HSDL2: variants seen among roughly 807,000 people sequenced by gnomAD.
HSDL2 encodes the protein hydroxysteroid dehydrogenase-like protein 2.
HSDL2 carries 27 observed loss-of-function variants against 46.3 expected under a neutral mutation model. The observed-to-expected ratio is 0.58, with a 90% CI of 0.43 to 0.80. The LOEUF (loss-of-function observed/expected upper bound fraction) is 0.80. Ranked by LOEUF, HSDL2 falls within the 30% of genes least tolerant of loss-of-function variation. HSDL2 has a pLI of 0.00. For synonymous variants in HSDL2, 153 were observed against 163.6 expected (o/e 0.94, Z 0.50); for missense variants, 451 against 502.7 (o/e 0.90, Z 0.98).
chr9:112,433,259 T>C (rs1447144342), intron 6 of HSDL2, among the ~76,000 whole-genome samples: 1 of 152,192 alleles, frequency 6.6e-6, no homozygotes, highest in Admixed American at 6.5e-5. Flanking sequence ...GGGAAAATAC[T>C]TTCTGTGCGG....
chr9:112,462,018 T>G (rs1457949948), intron 10 of HSDL2, among the ~76,000 whole-genome samples: 1 of 152,234 alleles, frequency 6.6e-6, no homozygotes, highest in Non-Finnish European at 1.5e-5. Flanking sequence ...GCAAGTGAGT[T>G]TGCTTGTGCT....
chr9:112,442,227 C>A (rs1831857538), intron 8 of HSDL2, among the ~76,000 whole-genome samples: 1 of 141,494 alleles, frequency 7.1e-6, no homozygotes, highest in Admixed American at 7.3e-5. Context: ...CGTGATCGTG[C>A]CACTGCACTC....
intron 8 of HSDL2, among the ~76,000 whole-genome samples, chr9:112,449,235 C>T (rs183387823): frequency 1.8e-4 from 28 of 151,886 alleles, no homozygotes; most frequent in Non-Finnish European, 2.4e-4. Context: ...TACAGGTGCA[C>T]GCCACCATGC....
rs373380436 is a variant in HSDL2 at position 112,388,244 on chromosome 9, C to T, written c.17+8064C>T. On this transcript the variant is annotated intron_variant, in intron 1 of 10. Coordinates refer to ENST00000398805, the MANE Select transcript of HSDL2 (RefSeq NM_032303.5). The stretch of plus-strand genomic sequence containing the variant: ...TTGGGAGGCCGAGGCGGGCAGATCA[C>T]GAGGTCAGGAGTTCAAGACCAGCCT... Among the ~76,000 whole-genome samples the T allele has an allele frequency of 5.9e-5, 9 of 151,764 alleles. No homozygotes were observed. The South Asian group carries it at 6.3e-4, about 11-fold the overall frequency.
intron 10 of HSDL2, among the ~76,000 whole-genome samples, chr9:112,469,266 C>T (rs995931389): frequency 1.3e-5 from 2 of 151,930 alleles, no homozygotes; most frequent in African/African-American, 4.8e-5. Context: ...AACTCACACA[C>T]TTTCTCTGCA....
intron 6 of HSDL2, among the ~76,000 whole-genome samples, chr9:112,423,200 A>G (rs1023537081): frequency 6.6e-6 from 1 of 152,262 alleles, no homozygotes; most frequent in Non-Finnish European, 1.5e-5. Flanking sequence ...GGAATATGAA[A>G]TACAAGTACC....
At chr9:112,439,364 C>T (rs979911549) in intron 7 of HSDL2, among the ~76,000 whole-genome samples, 6 of 152,106 alleles carry the variant, frequency 3.9e-5, no homozygotes, top group Non-Finnish European at 7.4e-5. Flanking sequence ...GTCTCTTAAG[C>T]GCAGTCTCTT....
chr9:112,431,606 G>A (rs547423875), intron 6 of HSDL2, among the ~76,000 whole-genome samples: 4 of 152,210 alleles, frequency 2.6e-5, no homozygotes, highest in African/African-American at 9.6e-5. Context: ...TCTCCTGAAC[G>A]GTTTAGCACC....
chr9:112,452,024 T>C (rs776119302), intron 8 of HSDL2, among the ~76,000 whole-genome samples: 69 of 152,266 alleles, frequency 4.5e-4, no homozygotes, highest in African/African-American at 1.5e-3. Flanking sequence ...CAGAAGTGGA[T>C]TGCCCCCAGT....
intron 6 of HSDL2, among the ~76,000 whole-genome samples, chr9:112,423,874 C>A (rs552162294): frequency 3.5e-4 from 53 of 151,664 alleles, no homozygotes; most frequent in Admixed American, 3.1e-3. Flanking sequence ...CCCCCACGCC[C>A]AGCTAATTTT....
chr9:112,392,929 A>G (rs920586471), intron 1 of HSDL2, among the ~76,000 whole-genome samples: 4 of 152,230 alleles, frequency 2.6e-5, no homozygotes, highest in African/African-American at 9.6e-5. Flanking sequence ...TTCACAATTT[A>G]TATTCCTCTG....
chr9:112,465,206 G>C (rs1008628376), intron 10 of HSDL2, among the ~76,000 whole-genome samples: 1 of 152,168 alleles, frequency 6.6e-6, no homozygotes, highest in African/African-American at 2.4e-5. Context: ...TCAGCTTACT[G>C]CAACATCTGC....
rs751324923 is a variant in HSDL2, at chr9:112,386,661, G to A, written c.17+6481G>A. Among the ~76,000 whole-genome samples, 7 of 151,508 alleles carry A rather than the reference G, an allele frequency of 4.6e-5. 1 individual carries two copies. Among genetic ancestry groups the A allele is most frequent in the Admixed American group, 1.3e-4 (2 of 15,230 alleles). The stretch of plus-strand genomic sequence containing the variant: ...TAACCAAGCGTGGTGATGCACACCC[G>A]TGATCCTAGCTATTCAGGAGGCTTA... On this transcript the variant is annotated intron_variant, in intron 1 of 10. Coordinates refer to ENST00000398805, the MANE Select transcript of HSDL2 (RefSeq NM_032303.5).
chr9:112,405,582 T>C (rs778539609), intron 2 of HSDL2, 42 bp from the exon 3 acceptor site: 140 of 1,373,528 alleles, frequency 1.0e-4, no homozygotes, highest in Non-Finnish European at 1.4e-4. Flanking sequence ...GTATAATATT[T>C]AAATGCTTTA....
intron 6 of HSDL2, among the ~76,000 whole-genome samples, chr9:112,431,882 T>A (rs1462658282): frequency 6.7e-6 from 1 of 150,192 alleles, no homozygotes; most frequent in Non-Finnish European, 1.5e-5. Context: ...TTCTTTTTTT[T>A]TTTTTTTTTT....
intron 1 of HSDL2, among the ~76,000 whole-genome samples, chr9:112,381,527 TG>T (rs1831095455): frequency 6.6e-6 from 1 of 152,166 alleles, no homozygotes; most frequent in Non-Finnish European, 1.5e-5. Context: ...TTGATTTTTT[TG>T]TATTTTTAGT....
intron 1 of HSDL2, among the ~76,000 whole-genome samples, chr9:112,381,597 G>T (rs1276073873): frequency 3.9e-5 from 6 of 152,012 alleles, no homozygotes; most frequent in Non-Finnish European, 1.5e-5. Context: ...CTCGTGATCC[G>T]TCTGCCTCGG....
At chr9:112,412,649 G>A (rs909120460) in intron 4 of HSDL2, among the ~76,000 whole-genome samples, 3 of 152,172 alleles carry the variant, frequency 2.0e-5, no homozygotes, top group African/African-American at 7.2e-5. Context: ...TATGACTGAT[G>A]TGTACATAAA....
chr9:112,457,766 C>T (rs1032315269), intron 9 of HSDL2, among the ~76,000 whole-genome samples: 11 of 152,218 alleles, frequency 7.2e-5, no homozygotes, highest in African/African-American at 2.7e-4. Context: ...TTTTCCTCTT[C>T]ATATGCAGTT....
Sources: allele counts gnomAD v4.1 joint callset (sites outside exome capture counted in the v4.1 genomes callset), GRCh38; gene constraint gnomAD v4.1.1; transcripts MANE v1.5; gene names NCBI Gene and HGNC (gene_info 2026-07-23, HGNC 2026-07-21).